The following UACA variants were observed in gnomAD, a reference collection of about 807,000 sequenced individuals.
UACA encodes uveal autoantigen with coiled-coil domains and ankyrin repeats, also known as nuclear membrane binding protein.
In UACA, 112 loss-of-function variants were observed where a neutral mutation model predicts 160.5. The observed-to-expected ratio is 0.70, with a 90% CI of 0.60 to 0.82. UACA has a LOEUF of 0.82. Among genes scored for constraint, UACA ranks in the 40% least tolerant of loss-of-function variants. The pLI is 0.00. For missense variants in UACA, 1,574 were observed against 1,614.6 expected, an observed-to-expected ratio of 0.97 and a Z score of 0.43; for synonymous variants, 557 against 568.4, an observed-to-expected ratio of 0.98 and a Z score of 0.29.
intron 14 of UACA, chr15:70,671,376 C>T (rs74021818): frequency 0.011 from 2,478 of 233,326 alleles, 60 homozygotes; most frequent in African/African-American, 0.052. Context: ...ATTGAGGACT[C>T]TTAAACTAGG....
At chr15:70,695,819 C>A (rs1031482259) in intron 2 of UACA, among the ~76,000 whole-genome samples, 1 of 151,320 alleles carries the variant, frequency 6.6e-6, no homozygotes. Context: ...TGCTAGTTAA[C>A]AATATTTCAT....
intron 1 of UACA, among the ~76,000 whole-genome samples, chr15:70,740,770 G>A (rs377409442): frequency 5.3e-5 from 8 of 151,144 alleles, no homozygotes; most frequent in Non-Finnish European, 7.4e-5. Flanking sequence ...GGCCGGGCGC[G>A]GTGGCTCACA....
chr15:70,676,733 T>C (rs1259437320), intron 12 of UACA, 142 bp from the exon 13 acceptor site: 1 of 611,714 alleles, frequency 1.6e-6, no homozygotes. Flanking sequence ...TAACTACTAA[T>C]AGAGTTGATA....
chr15:70,757,398 C>T (rs1361701761), intron 1 of UACA, among the ~76,000 whole-genome samples: 2 of 152,158 alleles, frequency 1.3e-5, no homozygotes, highest in East Asian at 1.9e-4. Context: ...ACAATCATGT[C>T]TATAGACTCT....
At position 70,667,023 on chromosome 15, in the gene UACA, T is replaced by G; in HGVS notation, c.3661A>C (p.Arg1221=). The G allele has an allele frequency of 6.2e-7, 1 of 1,613,548 alleles. No individual in the cohort carries two copies. Among genetic ancestry groups the G allele is most frequent in the Non-Finnish European group, 8.5e-7 (1 of 1,179,922 alleles). ...TATTTAGACAAGTCAACTACCTCTC[T>G]AGTCTCTAATTTTTTTAATGCTTGT... ...TKQALKKLET[R]EVVDLSKYKA... is the part of the protein sequence containing the mutation. Residue 1221 remains arginine (R), a synonymous_variant, in exon 16 of 19, where the codon AGA becomes CGA. Transcript: ENST00000322954.
chr15:70,676,905 C>A (rs1030401418), intron 12 of UACA, among the ~76,000 whole-genome samples: 7 of 152,078 alleles, frequency 4.6e-5, no homozygotes, highest in Non-Finnish European at 1.0e-4. Flanking sequence ...CTTTCAGAGG[C>A]AATAACAACA....
chr15:70,709,677 C>A (rs1305537532), intron 1 of UACA, among the ~76,000 whole-genome samples: 4 of 152,096 alleles, frequency 2.6e-5, no homozygotes, highest in Non-Finnish European at 4.4e-5. Flanking sequence ...GCCTATGAGT[C>A]CAATACTGAA....
At chr15:70,721,583 C>T (rs1017210205) in intron 1 of UACA, among the ~76,000 whole-genome samples, 2 of 150,988 alleles carry the variant, frequency 1.3e-5, no homozygotes, top group African/African-American at 2.4e-5. Flanking sequence ...GCCGAGATCA[C>T]GCCACTGCAC....
At chr15:70,718,371 T>TGTGTGC (rs1898891191) in intron 1 of UACA, among the ~76,000 whole-genome samples, 1 of 142,012 alleles carries the variant, frequency 7.0e-6, no homozygotes, top group Non-Finnish European at 1.5e-5. Flanking sequence ...TGTGTGTGTG[T>TGTGTGC]GTTAGGAGTT....
chr15:70,684,389 A>T lies in UACA; in HGVS notation c.660T>A (p.Ile220=), dbSNP rs138086966. ...YGCRDAVEVL[I]KNGADISLLD... ...GCAAGCTTATATCAGCACCATTTTT[A>T]ATTAAGACTTCTACTGCATCTCTGC... Residue 220 remains isoleucine, a synonymous_variant, in exon 8 of 19, where the codon ATT becomes ATA. Coordinates refer to ENST00000322954, the MANE Select transcript of UACA (RefSeq NM_018003.4). 1.4e-4 allele frequency: 230 copies of T among 1,613,832 alleles called. 1 individual carries two copies. In the African/African-American group the frequency reaches 2.6e-3, roughly 18 times the overall value.
At chr15:70,737,459 C>A (rs1566994963) in intron 1 of UACA, among the ~76,000 whole-genome samples, 1 of 152,152 alleles carries the variant, frequency 6.6e-6, no homozygotes, top group Non-Finnish European at 1.5e-5. Context: ...GTAATTCCAG[C>A]ACTTTGGGAG....
At chr15:70,718,143 A>G (rs1369026000) in intron 1 of UACA, among the ~76,000 whole-genome samples, 1 of 150,884 alleles carries the variant, frequency 6.6e-6, no homozygotes, top group Non-Finnish European at 1.5e-5. Flanking sequence ...AAAGGGATAT[A>G]CTCTGATTTT....
Position 70,712,064 on chromosome 15 carries a change from A to ATATATATATATATATATATATATC in UACA, c.79-12405_79-12404insGATATATATATATATATATATATA, listed in dbSNP as rs909386790. 1.3e-4 allele frequency among the ~76,000 whole-genome samples: 19 copies of ATATATATATATATATATATATATC among 145,552 alleles called. 1 individual carries two copies. Among genetic ancestry groups the ATATATATATATATATATATATATC allele is most frequent in the African/African-American group, 5.0e-4 (18 of 35,822 alleles). On this transcript the variant is annotated intron_variant, in intron 1 of 18. Coordinates refer to ENST00000322954, the MANE Select transcript of UACA (RefSeq NM_018003.4). ...CTAAGCTCCAGGCATATATATATAT[A>ATATATATATATATATATATATATC]TATCTCCATATACCTTCTTCATGAT...
At chr15:70,662,120 T>C (rs571394951) in intron 17 of UACA, among the ~76,000 whole-genome samples, 11 of 152,320 alleles carry the variant, frequency 7.2e-5, no homozygotes, top group Non-Finnish European at 7.3e-5. Flanking sequence ...CCCCATCATC[T>C]CAGCCCAAAA....
intron 1 of UACA, among the ~76,000 whole-genome samples, chr15:70,725,611 G>T (rs986733820): frequency 1.2e-4 from 18 of 152,152 alleles, no homozygotes; most frequent in Non-Finnish European, 2.5e-4. Flanking sequence ...GACCTCTCAT[G>T]GTGGATCTCT....
intron 1 of UACA, among the ~76,000 whole-genome samples, chr15:70,721,134 CGTTACATACAA>C (rs1293373178): frequency 6.6e-6 from 1 of 152,076 alleles, no homozygotes; most frequent in Non-Finnish European, 1.5e-5. Flanking sequence ...GGAGGAATGG[CGTTACATACAA>C]GTATAATTCT....
upstream of UACA, among the ~76,000 whole-genome samples, chr15:70,765,079 C>G (rs1012150457): frequency 1.3e-5 from 2 of 152,190 alleles, no homozygotes; most frequent in African/African-American, 2.4e-5. Context: ...AGCTGTATAA[C>G]GTGGACGCGA....
chr15:70,668,123 ATCT>A lies in UACA; in HGVS notation c.2558_2560del (p.Lys853del), dbSNP rs1350165153. 8.1e-6 allele frequency: 13 copies of A among 1,613,710 alleles called. No individual in the cohort carries two copies. The highest frequency in any genetic ancestry group is 3.3e-5 in the Admixed American group (2 of 59,948). On this transcript the variant is annotated inframe_deletion, in exon 16 of 19. Transcript: ENST00000322954. ...AACTGGCACATACTGATTACTCATC[ATCT>A]TCTTCAAGTTAGTGTTTTCAGATGT...
rs1012400165 is a variant in UACA, at chr15:70,669,558, A to G, written c.1222-96T>C. On this transcript the variant is annotated intron_variant, in intron 15 of 18. Transcript: ENST00000322954. The stretch of plus-strand genomic sequence containing the variant: ...ACTTAGAGAAAGTTAGCACATCATC[A>G]GGAATCAAAGGGTTTTCAGATTAGG... 6.3e-6 allele frequency: 6 copies of G among 953,342 alleles called. No homozygotes were observed. In the African/African-American group the frequency reaches 1.0e-4, roughly 16 times the overall value. 59.1% of individuals were successfully genotyped at this position (953,342 alleles called of 1,614,324 possible). A position where few individuals can be genotyped will look rare whatever the true frequency, so the allele number is the denominator to read the frequency against.
Sources: allele counts gnomAD v4.1 joint callset (sites outside exome capture counted in the v4.1 genomes callset), GRCh38; gene constraint gnomAD v4.1.1; transcripts MANE v1.5; gene names NCBI Gene and HGNC (gene_info 2026-07-23, HGNC 2026-07-21).